SPTLC1: variants seen among roughly 807,000 people sequenced by gnomAD.
The protein encoded by SPTLC1 is serine palmitoyltransferase 1.
SPTLC1 carries 55 observed loss-of-function variants against 68.9 expected under a neutral mutation model. The observed-to-expected ratio is 0.80, with a 90% confidence interval of 0.64 to 1.00. SPTLC1 has a LOEUF of 1.00. SPTLC1 is among the 50% of genes least tolerant of loss of function. The pLI is 0.00. For synonymous variants in SPTLC1, 197 were observed against 201.6 expected (o/e 0.98, Z 0.19); for missense variants, 449 against 573.1 (o/e 0.78, Z 2.21).
At chr9:92,047,484 T>C (rs959139300) in intron 10 of SPTLC1, 129 bp downstream of exon 10, 14 of 766,880 alleles carry the variant, frequency 1.8e-5, no homozygotes, top group Non-Finnish European at 2.9e-5. Flanking sequence ...AGTGATTCTT[T>C]AAAAATTGAC....
At chr9:92,080,390 C>A (rs1291106163) in intron 4 of SPTLC1, among the ~76,000 whole-genome samples, 2 of 152,202 alleles carry the variant, frequency 1.3e-5, no homozygotes, top group Non-Finnish European at 2.9e-5. Flanking sequence ...TCCAACTATT[C>A]TCTAGGTCTG....
intron 7 of SPTLC1, among the ~76,000 whole-genome samples, chr9:92,056,518 G>A (rs904129960): frequency 7.9e-5 from 12 of 152,046 alleles, no homozygotes; most frequent in African/African-American, 2.9e-4. Flanking sequence ...GAGCCACCAC[G>A]CCCGGCAGAG....
At chr9:92,056,793 TAA>T (rs143875368) in intron 7 of SPTLC1, among the ~76,000 whole-genome samples, 6 of 150,982 alleles carry the variant, frequency 4.0e-5, no homozygotes, top group African/African-American at 1.2e-4. Context: ...GCAGTAGCAC[TAA>T]AAAAAAAGTT....
At chr9:92,055,710 C>T (rs1355717612) in intron 7 of SPTLC1, among the ~76,000 whole-genome samples, 1 of 152,134 alleles carries the variant, frequency 6.6e-6, no homozygotes, top group Non-Finnish European at 1.5e-5. Flanking sequence ...CTAGGTGACC[C>T]GCCACACACA....
intron 6 of SPTLC1, among the ~76,000 whole-genome samples, chr9:92,062,297 G>A (rs967911854): frequency 1.3e-5 from 2 of 152,084 alleles, no homozygotes; most frequent in Non-Finnish European, 2.9e-5. Flanking sequence ...CGCTAAAAGG[G>A]TCAATTCATC....
At chr9:92,058,095 A>C (rs1255519921) in intron 7 of SPTLC1, among the ~76,000 whole-genome samples, 4 of 152,258 alleles carry the variant, frequency 2.6e-5, no homozygotes, top group Non-Finnish European at 5.9e-5. Context: ...TTGTAAAAGA[A>C]ATTAATCAGT....
chr9:92,092,433 AAG>A (rs1426148645), intron 3 of SPTLC1, among the ~76,000 whole-genome samples: 1 of 152,184 alleles, frequency 6.6e-6, no homozygotes, highest in Non-Finnish European at 1.5e-5. Flanking sequence ...CACACATTAG[AAG>A]TATAGCCTAC....
At chr9:92,043,936 C>T (rs532534600) in intron 12 of SPTLC1, among the ~76,000 whole-genome samples, 10 of 152,186 alleles carry the variant, frequency 6.6e-5, no homozygotes, top group Non-Finnish European at 1.2e-4. Context: ...TCATCTTCCA[C>T]CAGATTTCCC....
chr9:92,049,345 G>A (rs1224969485), intron 9 of SPTLC1, among the ~76,000 whole-genome samples: 1 of 152,106 alleles, frequency 6.6e-6, no homozygotes, highest in Non-Finnish European at 1.5e-5. Flanking sequence ...GACTTCCTCT[G>A]CCCTGAGGCT....
intron 13 of SPTLC1, among the ~76,000 whole-genome samples, chr9:92,036,610 GCT>G (rs746348169): frequency 9.6e-4 from 146 of 152,326 alleles, no homozygotes; most frequent in Non-Finnish European, 1.8e-3. Context: ...TCATGAGCCT[GCT>G]CTGTGAACAC....
Position 92,068,109 on chromosome 9 carries a change from T to C in SPTLC1, c.428-11A>G, listed in dbSNP as rs1384843340. On this transcript the variant is annotated splice_polypyrimidine_tract_variant and intron_variant, in intron 5 of 14. Coordinates refer to ENST00000262554, the MANE Select transcript of SPTLC1 (RefSeq NM_006415.4). Reference sequence around the variant, plus strand: ...AATCCAAATGAACATCTATTTCAGTTAAAAAAGTTAAATGGTTAAACTGCC... The same window carrying C: ...AATCCAAATGAACATCTATTTCAGTCAAAAAAGTTAAATGGTTAAACTGCC... 1.9e-6 allele frequency: 3 copies of C among 1,611,620 alleles called. No individual in the cohort carries two copies. Among genetic ancestry groups the C allele is most frequent in the South Asian group, 1.1e-5 (1 of 90,934 alleles).
chr9:92,050,134 AATTAAG>A (rs1833658216), intron 8 of SPTLC1, 67 bp from the exon 9 acceptor site: 4 of 1,018,906 alleles, frequency 3.9e-6, no homozygotes, highest in Non-Finnish European at 6.2e-6. Flanking sequence ...TGGAGAAAAA[AATTAAG>A]ATTAAAAAGT....
At chr9:92,088,063 T>G (rs10121430) in intron 3 of SPTLC1, among the ~76,000 whole-genome samples, 18,491 of 152,266 alleles carry the variant, frequency 0.12, 2,560 homozygotes, top group African/African-American at 0.35. Context: ...GTGAGGGATA[T>G]AATCTCCTGG....
At chr9:92,067,796 T>C (rs1028146024) in intron 6 of SPTLC1, among the ~76,000 whole-genome samples, 170 bp downstream of exon 6, 1 of 152,202 alleles carries the variant, frequency 6.6e-6, no homozygotes, top group Non-Finnish European at 1.5e-5. Context: ...GTTAAGCATC[T>C]TTTAAGTGAA....
intron 5 of SPTLC1, among the ~76,000 whole-genome samples, chr9:92,075,418 C>T (rs1046566918): frequency 1.3e-5 from 2 of 152,150 alleles, no homozygotes; most frequent in African/African-American, 2.4e-5. Flanking sequence ...ATCCTTCCCT[C>T]GCCCCTCCTT....
chr9:92,090,299 G>T (rs1278069171), intron 3 of SPTLC1, among the ~76,000 whole-genome samples: 1 of 152,154 alleles, frequency 6.6e-6, no homozygotes, highest in Non-Finnish European at 1.5e-5. Flanking sequence ...GTACTGCTCA[G>T]TAAGGAAGAG....
chr9:92,062,591 T>G (rs1302198401), intron 6 of SPTLC1, among the ~76,000 whole-genome samples: 1 of 152,288 alleles, frequency 6.6e-6, no homozygotes, highest in Admixed American at 6.5e-5. Flanking sequence ...GACTACCGTA[T>G]TAGCCATAAA....
intron 8 of SPTLC1, chr9:92,055,149 C>T: frequency 1.2e-6 from 1 of 833,096 alleles, no homozygotes; most frequent in Non-Finnish European, 1.4e-6. Context: ...TCACTTGAGC[C>T]CAGGAGGGTA....
chr9:92,065,198 A>T (rs946917857), intron 6 of SPTLC1, among the ~76,000 whole-genome samples: 1 of 152,254 alleles, frequency 6.6e-6, no homozygotes, highest in Non-Finnish European at 1.5e-5. Flanking sequence ...AAGCAGCATG[A>T]ACACATACTT....
Sources: allele counts gnomAD v4.1 joint callset (sites outside exome capture counted in the v4.1 genomes callset), GRCh38; gene constraint gnomAD v4.1.1; transcripts MANE v1.5; gene names NCBI Gene and HGNC (gene_info 2026-07-23, HGNC 2026-07-21).